Variants in ANKS1B observed in about 807,000 individuals in gnomAD.
ANKS1B encodes ankyrin repeat and sterile alpha motif domain-containing protein 1B.
ANKS1B carries 36 observed loss-of-function variants against 148.3 expected under a neutral mutation model. The observed-to-expected ratio is 0.24, with a 90% confidence interval of 0.19 to 0.32. The LOEUF is 0.32. Among genes scored for constraint, ANKS1B ranks in the 10% least tolerant of loss-of-function variants. The pLI is 1.00. For missense variants in ANKS1B, 1,157 were observed against 1,542.6 expected (o/e 0.75, Z 4.19); for synonymous variants, 542 against 560.8 (o/e 0.97, Z 0.47).
chr12:99,583,470 A>G (rs1302397447), intron 9 of ANKS1B, among the ~76,000 whole-genome samples: 1 of 152,184 alleles, frequency 6.6e-6, no homozygotes, highest in East Asian at 1.9e-4. Flanking sequence ...TACTGATTTG[A>G]ACCACATTAT....
chr12:98,840,379 A>G (rs1285559898), intron 17 of ANKS1B, among the ~76,000 whole-genome samples: 4 of 152,218 alleles, frequency 2.6e-5, no homozygotes, highest in African/African-American at 9.6e-5. Flanking sequence ...CTAAATAATC[A>G]GCAAATAACT....
chr12:99,533,244 T>C (rs1456300340), intron 9 of ANKS1B, among the ~76,000 whole-genome samples: 1 of 152,228 alleles, frequency 6.6e-6, no homozygotes, highest in African/African-American at 2.4e-5. Context: ...ACCTTTCACA[T>C]CCTTGGTTAA....
intron 15 of ANKS1B, among the ~76,000 whole-genome samples, chr12:99,147,381 A>C (rs1049353577): frequency 1.3e-5 from 2 of 152,154 alleles, no homozygotes; most frequent in African/African-American, 4.8e-5. Flanking sequence ...TTGCAAAAAG[A>C]GGAAGCGGTG....
intron 14 of ANKS1B, among the ~76,000 whole-genome samples, chr12:99,184,347 A>G (rs1308451846): frequency 2.0e-5 from 3 of 152,218 alleles, no homozygotes; most frequent in East Asian, 3.8e-4. Flanking sequence ...CATGGTGTGC[A>G]AGATTGGAAT....
intron 22 of ANKS1B, among the ~76,000 whole-genome samples, chr12:98,790,994 A>G (rs2098843557): frequency 6.6e-6 from 1 of 152,212 alleles, no homozygotes; most frequent in Non-Finnish European, 1.5e-5. Flanking sequence ...GTTTGAAGAC[A>G]ATATGGAATA....
chr12:99,694,276 T>A lies in ANKS1B; in HGVS notation c.1129-39066A>T, dbSNP rs192510857. ...CAACATGGTGAAACCCTGCCTCTAT[T>A]AAAAATACAAAAATTAGCTAGGCAC... On this transcript the variant is annotated intron_variant, in intron 8 of 26. Coordinates refer to ENST00000683438, the MANE Select transcript of ANKS1B (RefSeq NM_001352186.2). Among the ~76,000 whole-genome samples the A allele has an allele frequency of 5.1e-3, 767 of 150,986 alleles. 9 individuals are homozygous for A. Among genetic ancestry groups the A allele is most frequent in the African/African-American group, 0.017 (691 of 41,200 alleles).
At position 99,851,248 on chromosome 12, in the gene ANKS1B, C is replaced by T. The variant is rs540052957; in HGVS notation, c.135-25859G>A. Among the ~76,000 whole-genome samples the T allele has an allele frequency of 3.3e-5, 5 of 152,134 alleles. No homozygotes were observed. The South Asian group carries it at 1.0e-3, about 32-fold the overall frequency. ...ATATTTAAAACAATTTAAGAAAACT[C>T]CTAACCAGAACATGTTCAGAGAATT... On this transcript the variant is annotated intron_variant, in intron 1 of 26. Transcript: ENST00000683438.
intron 1 of ANKS1B, among the ~76,000 whole-genome samples, chr12:99,847,622 G>A (rs1253238991): frequency 6.6e-6 from 1 of 152,146 alleles, no homozygotes. Flanking sequence ...ACATTCCTAT[G>A]TGGCCGTCCA....
At chr12:98,780,416 G>A (rs1024187675) in intron 24 of ANKS1B, among the ~76,000 whole-genome samples, 1 of 152,220 alleles carries the variant, frequency 6.6e-6, no homozygotes, top group Non-Finnish European at 1.5e-5. Flanking sequence ...CCACGATGCT[G>A]TTGTCTTTGT....
intron 10 of ANKS1B, among the ~76,000 whole-genome samples, chr12:99,488,199 A>G (rs1260698355): frequency 6.6e-6 from 1 of 152,060 alleles, no homozygotes; most frequent in Non-Finnish European, 1.5e-5. Context: ...TTTTAACCCA[A>G]TTCTTTCAAA....
At chr12:99,448,094 G>C (rs980708803) in intron 10 of ANKS1B, among the ~76,000 whole-genome samples, 1 of 152,020 alleles carries the variant, frequency 6.6e-6, no homozygotes, top group African/African-American at 2.4e-5. Context: ...CCATCCCACT[G>C]CTGGGTATAT....
chr12:99,619,130 C>CT (rs1161637103), intron 9 of ANKS1B, among the ~76,000 whole-genome samples: 1 of 151,998 alleles, frequency 6.6e-6, no homozygotes, highest in Non-Finnish European at 1.5e-5. Flanking sequence ...TGCCTCATAC[C>CT]CAGGCAGAAA....
chr12:98,870,917 G>C (rs756765081), intron 17 of ANKS1B, among the ~76,000 whole-genome samples: 2 of 152,228 alleles, frequency 1.3e-5, no homozygotes, highest in African/African-American at 2.4e-5. Flanking sequence ...GACATATTCT[G>C]TGCAGGCTTG....
intron 9 of ANKS1B, among the ~76,000 whole-genome samples, chr12:99,599,319 G>A (rs1447500222): frequency 1.3e-5 from 2 of 152,012 alleles, no homozygotes; most frequent in South Asian, 4.1e-4. Context: ...AGGAGTAAAG[G>A]TCATGAGAAA....
chr12:99,553,844 G>T (rs2097249275), intron 9 of ANKS1B, among the ~76,000 whole-genome samples: 1 of 152,162 alleles, frequency 6.6e-6, no homozygotes, highest in African/African-American at 2.4e-5. Flanking sequence ...AATTAGTCAG[G>T]TGGCCGAAGA....
At chr12:99,000,140 A>C (rs1420633537) in intron 17 of ANKS1B, among the ~76,000 whole-genome samples, 2 of 152,136 alleles carry the variant, frequency 1.3e-5, no homozygotes, top group East Asian at 1.9e-4. Context: ...AAAGGCAGAA[A>C]AAAATAATGT....
chr12:99,508,528 TATAAA>T (rs2096734181), intron 9 of ANKS1B, among the ~76,000 whole-genome samples: 1 of 151,362 alleles, frequency 6.6e-6, no homozygotes, highest in Non-Finnish European at 1.5e-5. Context: ...TATAGTATTA[TATAAA>T]ATATTTCCTA....
intron 9 of ANKS1B, among the ~76,000 whole-genome samples, chr12:99,573,357 CATATG>C (rs2097482079): frequency 6.6e-6 from 1 of 151,992 alleles, no homozygotes; most frequent in Admixed American, 6.6e-5. Flanking sequence ...CATACATTGA[CATATG>C]AGATGATTGA....
intron 1 of ANKS1B, among the ~76,000 whole-genome samples, chr12:99,845,388 G>A (rs1480060771): frequency 6.6e-6 from 1 of 152,094 alleles, no homozygotes; most frequent in Non-Finnish European, 1.5e-5. Context: ...TTATTATTTT[G>A]AGGTATGTTC....
Sources: gnomAD v4.1 joint callset for allele counts (sites outside exome capture counted in the v4.1 genomes callset) on GRCh38, gnomAD v4.1.1 for gene constraint, MANE v1.5 for transcripts, NCBI Gene and HGNC (gene_info 2026-07-23, HGNC 2026-07-21) for gene names.